The following PDE1C variants were observed in gnomAD, a reference collection of about 807,000 sequenced individuals.
PDE1C encodes phosphodiesterase 1C.
A neutral mutation model predicts 93.1 loss-of-function variants in PDE1C; 62 were observed. The observed-to-expected ratio is 0.67, with a 90% CI of 0.54 to 0.82. The LOEUF is 0.82. Among genes scored for constraint, PDE1C ranks in the 40% least tolerant of loss-of-function variants. The pLI is 0.00. For synonymous variants in PDE1C, 325 were observed against 310.1 expected (o/e 1.05, Z -0.50); for missense variants, 742 against 884.6 (o/e 0.84, Z 2.04).
intron 8 of PDE1C, among the ~76,000 whole-genome samples, chr7:31,849,221 C>T (rs1562915975): frequency 6.6e-6 from 1 of 152,210 alleles, no homozygotes; most frequent in Non-Finnish European, 1.5e-5. Context: ...CCATTCTCCT[C>T]TGTGTTGGGA....
At chr7:32,294,692 A>C (rs868323195) in intron 1 of PDE1C, among the ~76,000 whole-genome samples, 2 of 152,370 alleles carry the variant, frequency 1.3e-5, no homozygotes, top group Middle Eastern at 3.4e-3. Context: ...ATACAAACCC[A>C]AATAGACATC....
intron 9 of PDE1C, among the ~76,000 whole-genome samples, chr7:31,847,052 G>A (rs550034985): frequency 2.4e-4 from 36 of 152,134 alleles, no homozygotes; most frequent in Non-Finnish European, 4.4e-4. Context: ...GAGTCACAAC[G>A]GATTCAGAGT....
At chr7:32,214,708 C>G (rs1488112859) in intron 1 of PDE1C, among the ~76,000 whole-genome samples, 2 of 152,178 alleles carry the variant, frequency 1.3e-5, no homozygotes, top group Non-Finnish European at 2.9e-5. Context: ...AAAACTTCAA[C>G]CATTAAGATG....
intron 1 of PDE1C, among the ~76,000 whole-genome samples, chr7:32,234,560 C>A (rs1269326691): frequency 6.6e-6 from 1 of 151,912 alleles, no homozygotes; most frequent in African/African-American, 2.4e-5. Flanking sequence ...TTCCATAACT[C>A]AGTTAAGATG....
the PDE1C span, among the ~76,000 whole-genome samples, chr7:31,672,906 T>G: frequency 3.3e-5 from 5 of 152,188 alleles, no homozygotes; most frequent in Non-Finnish European, 7.3e-5. Flanking sequence ...TTGCTGTTCT[T>G]GTGATACTGA....
the PDE1C span, chr7:31,656,466 A>G: frequency 4.1e-6 from 4 of 977,862 alleles, no homozygotes; most frequent in African/African-American, 7.0e-5. Context: ...CTATTATTAC[A>G]AGTGCACATA....
chr7:31,630,556 C>G, the PDE1C span, among the ~76,000 whole-genome samples: 1 of 152,098 alleles, frequency 6.6e-6, no homozygotes. Context: ...GCAGAAAAGA[C>G]TGGATTATGG....
At chr7:31,808,952 C>T (rs1787207023) in intron 16 of PDE1C, 79 bp downstream of exon 16, 1 of 795,324 alleles carries the variant, frequency 1.3e-6, no homozygotes, top group South Asian at 1.5e-5. Context: ...ACCACTATTT[C>T]AATTTTGGGT....
At chr7:32,131,853 T>C (rs969143675) in intron 3 of PDE1C, among the ~76,000 whole-genome samples, 3 of 152,118 alleles carry the variant, frequency 2.0e-5, no homozygotes, top group African/African-American at 7.2e-5. Flanking sequence ...CAACAGAGAC[T>C]CTAACTTCAT....
At chr7:31,784,211 A>G (rs1285598559) in intron 16 of PDE1C, 2 of 141,600 alleles carry the variant, frequency 1.4e-5, no homozygotes, top group African/African-American at 2.7e-5. Context: ...GAGCCTACAG[A>G]CTCAAGGTGA....
At chr7:31,883,706 G>C (rs1003170853) in intron 2 of PDE1C, among the ~76,000 whole-genome samples, 1 of 152,210 alleles carries the variant, frequency 6.6e-6, no homozygotes, top group African/African-American at 2.4e-5. Flanking sequence ...TGATCAGGGG[G>C]CTGGGACCCC....
intron 7 of PDE1C, among the ~76,000 whole-genome samples, chr7:31,863,603 C>T (rs1794927984): frequency 6.6e-6 from 1 of 152,050 alleles, no homozygotes; most frequent in African/African-American, 2.4e-5. Flanking sequence ...GTTTTAAATA[C>T]TATTTTTAAG....
At chr7:32,035,708 A>G (rs942191115) in intron 2 of PDE1C, among the ~76,000 whole-genome samples, 5 of 152,178 alleles carry the variant, frequency 3.3e-5, no homozygotes, top group African/African-American at 9.6e-5. Context: ...CAAAAGCCAG[A>G]AAATCTATGC....
chr7:31,698,676 G>A, the PDE1C span, among the ~76,000 whole-genome samples: 1 of 152,224 alleles, frequency 6.6e-6, no homozygotes, highest in African/African-American at 2.4e-5. Context: ...AATGGTACAG[G>A]AAGAAAGTCA....
intron 3 of PDE1C, among the ~76,000 whole-genome samples, chr7:32,138,260 C>T (rs1418138953): frequency 2.0e-5 from 3 of 151,986 alleles, no homozygotes; most frequent in African/African-American, 7.3e-5. Context: ...TAATGTACCA[C>T]ATAGTAGTAA....
intron 13 of PDE1C, 77 bp from the exon 14 acceptor site, chr7:31,823,325 G>T: frequency 8.2e-7 from 1 of 1,215,920 alleles, no homozygotes; most frequent in East Asian, 2.4e-5. Context: ...GCCCAGAGGA[G>T]GAATGGTTAG....
At chr7:31,977,172 G>A (rs1224254122) in intron 2 of PDE1C, among the ~76,000 whole-genome samples, 2 of 152,150 alleles carry the variant, frequency 1.3e-5, no homozygotes. Context: ...TTGGAGGTGG[G>A]GCCTTTGGGA....
chr7:31,970,317 G>A (rs1172184492), intron 2 of PDE1C, among the ~76,000 whole-genome samples: 5 of 151,970 alleles, frequency 3.3e-5, no homozygotes, highest in Non-Finnish European at 7.4e-5. Context: ...TCTTTATGTC[G>A]AGCCCCAATA....
chr7:32,318,920 T>TC (rs1783228343), intron 1 of PDE1C, among the ~76,000 whole-genome samples: 1 of 152,206 alleles, frequency 6.6e-6, no homozygotes, highest in Non-Finnish European at 1.5e-5. Context: ...GGGCTGGACT[T>TC]AAATCTTCGC....
Sources: allele counts gnomAD v4.1 joint callset (sites outside exome capture counted in the v4.1 genomes callset), GRCh38; gene constraint gnomAD v4.1.1; transcripts MANE v1.5; gene names NCBI Gene and HGNC (gene_info 2026-07-23, HGNC 2026-07-21).